The following DPY19L4 variants were observed in gnomAD, a reference collection of about 807,000 sequenced individuals.
The protein encoded by DPY19L4 is dpy-19 like 4.
DPY19L4 carries 97 observed loss-of-function variants against 102.8 expected under a neutral mutation model. The ratio of observed to expected loss-of-function variants is 0.94; its 90% confidence interval spans 0.80 to 1.12. The LOEUF is 1.12. Among genes scored for constraint, DPY19L4 ranks in the 50% most tolerant of loss-of-function variants. The pLI, the probability that DPY19L4 is intolerant of heterozygous loss-of-function variation, is 0.00. For synonymous variants in DPY19L4, 252 were observed against 283.1 expected, an observed-to-expected ratio of 0.89 and a Z score of 1.10; for missense variants, 815 against 850.4, an observed-to-expected ratio of 0.96 and a Z score of 0.52.
At chr8:94,768,757 G>T (rs923505192) in intron 12 of DPY19L4, among the ~76,000 whole-genome samples, 2 of 152,052 alleles carry the variant, frequency 1.3e-5, no homozygotes, top group African/African-American at 2.4e-5. Flanking sequence ...ACTTTGGGAG[G>T]CCGAAGCGGG....
intron 13 of DPY19L4, among the ~76,000 whole-genome samples, chr8:94,774,977 C>T (rs1813109950): frequency 6.6e-6 from 1 of 152,148 alleles, no homozygotes. Flanking sequence ...CACTTAATGT[C>T]ACGTCATCAA....
At chr8:94,749,095 A>T (rs925732442) in intron 6 of DPY19L4, among the ~76,000 whole-genome samples, 2 of 152,104 alleles carry the variant, frequency 1.3e-5, no homozygotes, top group East Asian at 3.9e-4. Context: ...ATCTTGTGAG[A>T]CTTATTCACT....
chr8:94,764,274 G>C (rs1055895954), intron 8 of DPY19L4, among the ~76,000 whole-genome samples: 2 of 152,096 alleles, frequency 1.3e-5, no homozygotes, highest in Admixed American at 6.6e-5. Context: ...TTTCCAGAGA[G>C]TTTTAAGAAA....
chr8:94,730,791 G>A (rs1810915904), intron 2 of DPY19L4, among the ~76,000 whole-genome samples: 1 of 136,748 alleles, frequency 7.3e-6, no homozygotes, highest in Non-Finnish European at 1.6e-5. Context: ...TGTTGCCCAG[G>A]CTGGAGTGCA....
intron 12 of DPY19L4, among the ~76,000 whole-genome samples, chr8:94,770,003 T>G (rs2130901196): frequency 6.6e-6 from 1 of 151,476 alleles, no homozygotes; most frequent in Non-Finnish European, 1.5e-5. Context: ...TTCTCTTGCC[T>G]CAACCTCCGG....
Position 94,738,460 on chromosome 8 carries a change from G to A in DPY19L4, c.343+1G>A. The A allele has an allele frequency of 6.7e-7, 1 of 1,484,346 alleles. No homozygotes were observed. The highest frequency in any genetic ancestry group is 1.8e-4 in the Middle Eastern group (1 of 5,504). 91.9% of individuals were successfully genotyped at this position (1,484,346 alleles called of 1,614,324 possible). A position where few individuals can be genotyped will look rare whatever the true frequency, so the allele number is the denominator to read the frequency against. On this transcript the variant is annotated splice_donor_variant, in intron 4 of 18. Coordinates refer to ENST00000414645, the MANE Select transcript of DPY19L4 (RefSeq NM_181787.3). LOFTEE classifies it high-confidence loss of function. ...TTAAAGGCACCTTCATTTGAAAGAG[G>A]TATGATAATCACAGTTATATTTTTA... is the stretch of plus-strand genomic sequence containing the variant.
chr8:94,724,054 T>C (rs944051960), intron 1 of DPY19L4, among the ~76,000 whole-genome samples: 1 of 152,216 alleles, frequency 6.6e-6, no homozygotes, highest in South Asian at 2.1e-4. Context: ...GCGATTTATT[T>C]GATAAAGAAC....
rs1810622163 is a variant in DPY19L4, at chr8:94,724,890, A to AT, written c.17-1440dup. ...GGTGTGAGCCACCATACCCGGCCTA[A>AT]TAATGTCATTTTAAAATATTTTCAT... On this transcript the variant is annotated intron_variant, in intron 1 of 18. Coordinates refer to ENST00000414645, the MANE Select transcript of DPY19L4 (RefSeq NM_181787.3). Among the ~76,000 whole-genome samples, 10 of 152,252 alleles carry AT rather than the reference A, an allele frequency of 6.6e-5. No homozygotes were observed. In the South Asian group the frequency reaches 2.1e-3, roughly 32 times the overall value.
intron 13 of DPY19L4, among the ~76,000 whole-genome samples, chr8:94,773,351 T>G (rs1385506593): frequency 2.0e-5 from 3 of 152,188 alleles, no homozygotes; most frequent in Non-Finnish European, 4.4e-5. Flanking sequence ...TTTAGAAGTT[T>G]GGAGCTTTAA....
chr8:94,764,886 G>A (rs2130886464), intron 8 of DPY19L4, among the ~76,000 whole-genome samples: 1 of 149,680 alleles, frequency 6.7e-6, no homozygotes, highest in South Asian at 2.1e-4. Context: ...CTGCCACCAT[G>A]CCCAGCTAAT....
intron 1 of DPY19L4, among the ~76,000 whole-genome samples, chr8:94,723,195 G>A (rs1810544673): frequency 2.6e-5 from 4 of 152,176 alleles, no homozygotes; most frequent in African/African-American, 7.2e-5. Context: ...AGGAGTGGCC[G>A]GGCGTGGTGG....
chr8:94,785,300 A>G (rs1393396605), intron 17 of DPY19L4, among the ~76,000 whole-genome samples: 4 of 152,250 alleles, frequency 2.6e-5, no homozygotes, highest in South Asian at 2.1e-4. Context: ...TGTTGCATGC[A>G]TACACATATA....
In DPY19L4 at chr8:94,783,665, T is replaced by C. The variant is rs1332369985; in HGVS notation, c.1716-5T>C. On this transcript the variant is annotated splice_region_variant and splice_polypyrimidine_tract_variant and intron_variant, in intron 16 of 18. Coordinates refer to ENST00000414645, the MANE Select transcript of DPY19L4 (RefSeq NM_181787.3). Reference sequence around the variant, plus strand: ...CAGTGTGCAAATCTTTATGGTTCTTTGCAGAAGGCAAGCTCCAGTTGCAGC... The same window carrying C: ...CAGTGTGCAAATCTTTATGGTTCTTCGCAGAAGGCAAGCTCCAGTTGCAGC... The C allele has an allele frequency of 6.2e-7, 1 of 1,613,394 alleles. No individual in the cohort carries two copies.
intron 8 of DPY19L4, among the ~76,000 whole-genome samples, chr8:94,762,772 G>A (rs1030365166): frequency 6.6e-6 from 1 of 152,018 alleles, no homozygotes; most frequent in Non-Finnish European, 1.5e-5. Context: ...TGGGGTGGGG[G>A]CTGAGGCGGG....
chr8:94,773,672 C>T (rs932657509), intron 13 of DPY19L4, among the ~76,000 whole-genome samples: 10 of 152,012 alleles, frequency 6.6e-5, no homozygotes, highest in East Asian at 2.0e-4. Flanking sequence ...TCAGGTGATC[C>T]GCCTGACTCA....
chr8:94,731,055 CA>C (rs57246749), intron 2 of DPY19L4, among the ~76,000 whole-genome samples: 56,912 of 103,274 alleles, frequency 0.55, 12,575 homozygotes, highest in African/African-American at 0.62. Flanking sequence ...AACTCTGTCT[CA>C]AAAAAAAAAA....
At chr8:94,755,876 C>T (rs976631580) in intron 6 of DPY19L4, among the ~76,000 whole-genome samples, 160 bp from the exon 7 acceptor site, 1 of 151,060 alleles carries the variant, frequency 6.6e-6, no homozygotes, top group African/African-American at 2.4e-5. Flanking sequence ...CAGAGCGAGA[C>T]TCCATCTCAA....
rs147953831 is a variant in DPY19L4 at position 94,755,814 on chromosome 8, G to A, written c.612-222G>A. Among the ~76,000 whole-genome samples the A allele has an allele frequency of 5.1e-3, 777 of 152,172 alleles. 3 individuals are homozygous for A. The highest frequency in any genetic ancestry group is 0.011 in the Admixed American group (173 of 15,276). On this transcript the variant is annotated intron_variant, in intron 6 of 18. Transcript: ENST00000414645. ...GCAGGAGAATCACTTGAATCCTGGA[G>A]GCAGAGGTTGCAGTGACCTGAGATC...
intron 8 of DPY19L4, among the ~76,000 whole-genome samples, chr8:94,764,630 ATATATAT>A (rs1249076852): frequency 7.1e-6 from 1 of 140,676 alleles, no homozygotes; most frequent in East Asian, 2.0e-4. Flanking sequence ...TATTTTATAC[ATATATAT>A]TATATATATA....
Sources: gnomAD v4.1 joint callset for allele counts (sites outside exome capture counted in the v4.1 genomes callset) on GRCh38, gnomAD v4.1.1 for gene constraint, MANE v1.5 for transcripts, NCBI Gene and HGNC (gene_info 2026-07-23, HGNC 2026-07-21) for gene names.